Variants in NLRP4 observed in about 807,000 individuals in gnomAD.
The protein encoded by NLRP4 is NACHT, LRR and PYD domains-containing protein 4.
In NLRP4, 44 loss-of-function variants were observed where a neutral mutation model predicts 84.7. The ratio of observed to expected loss-of-function variants is 0.52; its 90% CI spans 0.41 to 0.67. The LOEUF (loss-of-function observed/expected upper bound fraction) is 0.67, where lower values mean the gene tolerates loss of function less well. Ranked by LOEUF, NLRP4 falls within the 30% of genes least tolerant of loss-of-function variation. The pLI is 0.00. For missense variants in NLRP4, 1,260 were observed against 1,219.4 expected (o/e 1.03, Z -0.50); for synonymous variants, 544 against 476.4 (o/e 1.14, Z -1.85).
At chr19:55,850,487 T>G (rs77827935) in intron 1 of NLRP4, among the ~76,000 whole-genome samples, 56 of 33,056 alleles carry the variant, frequency 1.7e-3, no homozygotes, top group South Asian at 4.9e-3. Context: ...GCGGTGTAAT[T>G]TCCGAGGCTG....
chr19:55,836,713 GC>G lies in NLRP4; in HGVS notation c.-286del, dbSNP rs368835985. 6 of 152,010 alleles carry G rather than the reference GC, an allele frequency of 3.9e-5. No homozygotes were observed. The highest frequency in any genetic ancestry group is 1.2e-4 in the African/African-American group (5 of 41,316). 9.4% of individuals were successfully genotyped at this position (152,010 alleles called of 1,614,324 possible). A position where few individuals can be genotyped will look rare whatever the true frequency, so the allele number is the denominator to read the frequency against. ...CAGGCCTCTCCATTCTATTTACCCA[GC>G]GTTTTCCTTCTCTCCAGTTAGTGGG... On this transcript the variant is annotated 5_prime_UTR_variant, in exon 1 of 10. Transcript: ENST00000301295.
intron 1 of NLRP4, among the ~76,000 whole-genome samples, chr19:55,850,023 T>G (rs796580473): frequency 1.4e-5 from 2 of 142,700 alleles, no homozygotes; most frequent in South Asian, 2.2e-4. Flanking sequence ...GACTGCGGTG[T>G]GATTTCCGAG....
At chr19:55,839,128 C>CCCACCCCT (rs1387283933) in intron 1 of NLRP4, among the ~76,000 whole-genome samples, 1 of 152,052 alleles carries the variant, frequency 6.6e-6, no homozygotes, top group Non-Finnish European at 1.5e-5. Flanking sequence ...CCTCCCCTTT[C>CCCACCCCT]CCACCCCTCA....
At chr19:55,866,885 T>C (rs911437945) in intron 5 of NLRP4, among the ~76,000 whole-genome samples, 2 of 152,168 alleles carry the variant, frequency 1.3e-5, no homozygotes, top group Admixed American at 1.3e-4. Context: ...GACTTGGGAA[T>C]GGGTAGGACC....
intron 1 of NLRP4, among the ~76,000 whole-genome samples, chr19:55,849,775 TGCG>T (rs1279130478): frequency 6.9e-6 from 1 of 145,264 alleles, no homozygotes; most frequent in African/African-American, 2.8e-5. Flanking sequence ...TTTCTGTAGC[TGCG>T]GTGTAATTTC....
chr19:55,860,931 T>C (rs1471754951), intron 3 of NLRP4, among the ~76,000 whole-genome samples: 1 of 151,918 alleles, frequency 6.6e-6, no homozygotes, highest in Non-Finnish European at 1.5e-5. Context: ...TGAGCCAAGA[T>C]TGTGCCATTG....
At chr19:55,845,488 C>T (rs1244953941) in intron 1 of NLRP4, among the ~76,000 whole-genome samples, 7 of 151,968 alleles carry the variant, frequency 4.6e-5, no homozygotes, top group East Asian at 1.9e-4. Context: ...AATAAACATA[C>T]GTGTGCATGT....
At chr19:55,869,383 CAAAAAAAA>C (rs34026493) in intron 6 of NLRP4, among the ~76,000 whole-genome samples, 1 of 148,974 alleles carries the variant, frequency 6.7e-6, no homozygotes, top group East Asian at 2.0e-4. Context: ...AAAAATAAAC[CAAAAAAAA>C]AACAAAAAAC....
At chr19:55,840,275 C>A (rs1983554690) in intron 1 of NLRP4, among the ~76,000 whole-genome samples, 1 of 151,724 alleles carries the variant, frequency 6.6e-6, no homozygotes, top group African/African-American at 2.4e-5. Context: ...TGATTAGGGA[C>A]TTACCTAATT....
intron 1 of NLRP4, among the ~76,000 whole-genome samples, chr19:55,838,635 A>G (rs1468632376): frequency 1.3e-5 from 2 of 152,132 alleles, no homozygotes; most frequent in African/African-American, 4.8e-5. Context: ...AGCTTCAAGA[A>G]TATATCCTTA....
chr19:55,870,284 G>A (rs1286344731), intron 6 of NLRP4, among the ~76,000 whole-genome samples: 1 of 152,186 alleles, frequency 6.6e-6, no homozygotes, highest in Non-Finnish European at 1.5e-5. Context: ...AGCCCTGTTA[G>A]AGTATTAGCT....
chr19:55,841,186 T>TA (rs1983600876), intron 1 of NLRP4, among the ~76,000 whole-genome samples: 1 of 152,188 alleles, frequency 6.6e-6, no homozygotes, highest in Non-Finnish European at 1.5e-5. Context: ...GCCACACTGT[T>TA]ATTTGCTTTA....
In NLRP4 at chr19:55,857,781, G is replaced by C; in HGVS notation, c.388G>C (p.Glu130Gln). The change falls in exon 3 of 10, where the codon GAA becomes CAA. Residue 130 changes from glutamate (E) to glutamine (Q), a missense_variant. Coordinates refer to ENST00000301295, the MANE Select transcript of NLRP4 (RefSeq NM_134444.5). ...HLYFEEEVKQ[E>Q]ECDHLDRLFA... ...ATACTTTGAGGAGGAAGTCAAGCAA[G>C]AAGAATGTGACCATTTGGACCGCCT... 1 of 1,614,092 alleles carries C rather than the reference G, an allele frequency of 6.2e-7. No homozygotes were observed. The highest frequency in any genetic ancestry group is 8.5e-7 in the Non-Finnish European group (1 of 1,179,962).
intron 1 of NLRP4, among the ~76,000 whole-genome samples, chr19:55,839,034 G>A (rs1600215848): frequency 1.3e-5 from 2 of 151,096 alleles, no homozygotes; most frequent in African/African-American, 2.4e-5. Context: ...AGGTGTACAC[G>A]TGGCATGGTG....
intron 3 of NLRP4, 111 bp from the exon 4 acceptor site, chr19:55,861,275 G>A: frequency 1.1e-6 from 1 of 870,562 alleles, no homozygotes; most frequent in Non-Finnish European, 1.8e-6. Flanking sequence ...ACTGAGGGAG[G>A]CTCTGCCTCA....
At chr19:55,862,824 A>T (rs972173666) in intron 5 of NLRP4, among the ~76,000 whole-genome samples, 3 of 152,268 alleles carry the variant, frequency 2.0e-5, no homozygotes, top group African/African-American at 7.2e-5. Flanking sequence ...ATTTGAAGAC[A>T]TCCACTTTTT....
At chr19:55,876,872 A>G in intron 7 of NLRP4, 124 bp from the exon 8 acceptor site, 1 of 672,740 alleles carries the variant, frequency 1.5e-6, no homozygotes, top group Non-Finnish European at 2.6e-6. Context: ...GAATCTGTGG[A>G]TATGGAGGAC....
intron 9 of NLRP4, among the ~76,000 whole-genome samples, chr19:55,879,671 C>T (rs73935434): frequency 0.022 from 3,414 of 152,224 alleles, 99 homozygotes; most frequent in African/African-American, 0.06. Flanking sequence ...ATGCAATCTT[C>T]GCGCTCCCTT....
chr19:55,881,186 T>C (rs1985575104), intron 9 of NLRP4, among the ~76,000 whole-genome samples: 1 of 146,966 alleles, frequency 6.8e-6, no homozygotes, highest in African/African-American at 2.5e-5. Context: ...TGTAACTCTG[T>C]TTAGTGACAG....
Sources: allele counts gnomAD v4.1 joint callset (sites outside exome capture counted in the v4.1 genomes callset), GRCh38; gene constraint gnomAD v4.1.1; transcripts MANE v1.5; gene names NCBI Gene and HGNC (gene_info 2026-07-23, HGNC 2026-07-21).